Variants in MARK4 observed in about 807,000 individuals in gnomAD.
MARK4 encodes microtubule affinity regulating kinase 4.
Under a neutral mutation model 81.5 loss-of-function variants are expected in MARK4, and 19 were observed. That is an observed-to-expected ratio of 0.23 (90% CI 0.16 to 0.34). The LOEUF is 0.34. MARK4 is among the 10% of genes least tolerant of loss of function. The probability of loss-of-function intolerance (pLI) is 1.00; values close to 1 mark genes in which losing one functional copy is unlikely to be tolerated. For missense variants in MARK4, 772 were observed against 1,058.8 expected (o/e 0.73, Z 3.76); for synonymous variants, 436 against 439.0 (o/e 0.99, Z 0.08).
Position 45,302,525 on chromosome 19 carries a change from C to T in MARK4, c.2074C>T (p.Gln692Ter). The T allele has an allele frequency of 6.2e-7, 1 of 1,601,446 alleles. No individual in the cohort carries two copies. Among genetic ancestry groups the T allele is most frequent in the Non-Finnish European group, 8.5e-7 (1 of 1,178,670 alleles). Residue 692 changes from glutamine (Q) to a stop codon, truncating the protein, a stop_gained, in exon 17 of 17, where the codon CAG becomes TAG. Coordinates refer to ENST00000262891, the MANE Select transcript of MARK4 (RefSeq NM_001199867.2). LOFTEE classifies it high-confidence loss of function. This position sits in a 1 kb window ranked among gnomAD's most constrained non-coding sequence, Gnocchi z 4.9. Reference protein sequence around the residue: ...AAARCRCRQPQPFLLACLHGG... With the variant: ...AAARCRCRQP Reference sequence around the variant, plus strand: ...CGCCCGCTGCCGCTGCCGCCAGCCACAGCCGTTCCTGCTGGCCTGCCTGCA... The same window carrying T: ...CGCCCGCTGCCGCTGCCGCCAGCCATAGCCGTTCCTGCTGGCCTGCCTGCA...
intron 8 of MARK4, 34 bp from the exon 9 acceptor site, chr19:45,277,889 C>CAG (rs1970621892): frequency 2.5e-6 from 4 of 1,591,262 alleles, no homozygotes; most frequent in Non-Finnish European, 3.4e-6. Flanking sequence ...GGGGGCGGGG[C>CAG]AGACCCCCTC....
At chr19:45,262,353 CG>C (rs959060124) in intron 2 of MARK4, among the ~76,000 whole-genome samples, 13 of 9,898 alleles carry the variant, frequency 1.3e-3, no homozygotes, top group Admixed American at 9.4e-3. Flanking sequence ...GAAAAGGGGG[CG>C]GGGGGGTGGG....
chr19:45,296,326 A>G (rs1374021133), intron 14 of MARK4, among the ~76,000 whole-genome samples: 2 of 152,260 alleles, frequency 1.3e-5, no homozygotes, highest in African/African-American at 4.8e-5. Flanking sequence ...TAATTTAAAT[A>G]AAAAGGACGT....
Position 45,271,794 on chromosome 19 carries a change from T to C in MARK4, c.786+86T>C. 7.7e-7 allele frequency: 1 copy of C among 1,293,558 alleles called. No homozygotes were observed. The highest frequency in any genetic ancestry group is 1.4e-5 in the South Asian group (1 of 73,058). The allele number at this position is 1,293,558 out of a possible 1,614,324, so 80.1% of individuals were successfully genotyped here. A position where few individuals can be genotyped will look rare whatever the true frequency, so the allele number is the denominator to read the frequency against. On this transcript the variant is annotated intron_variant, in intron 8 of 16. Transcript: ENST00000262891. This position sits in a 1 kb window ranked among gnomAD's most constrained non-coding sequence, Gnocchi z 4.1. ...CCCCACACCTCCCCTGCAGAGGGCCTCAGTGGTGGGACTGGCCTGAGTTCT... is the reference window on the plus strand; with the variant it reads ...CCCCACACCTCCCCTGCAGAGGGCCCCAGTGGTGGGACTGGCCTGAGTTCT...
At chr19:45,251,984 C>G (rs930657245) in intron 1 of MARK4, among the ~76,000 whole-genome samples, 7 of 151,138 alleles carry the variant, frequency 4.6e-5, no homozygotes, top group African/African-American at 1.5e-4. Flanking sequence ...CGTCCGCGTC[C>G]GACACCTCGC....
chr19:45,286,345 C>T (rs1254962077), intron 12 of MARK4, among the ~76,000 whole-genome samples: 3 of 151,320 alleles, frequency 2.0e-5, no homozygotes, highest in East Asian at 2.0e-4. Context: ...TGAGCCACCG[C>T]GCCTGGCCCT....
chr19:45,260,462 C>T (rs1315339034), intron 2 of MARK4, among the ~76,000 whole-genome samples: 2 of 151,138 alleles, frequency 1.3e-5, no homozygotes, highest in Non-Finnish European at 2.9e-5. Flanking sequence ...GAGGCCGAGG[C>T]AGGTGGATCA....
At position 45,296,023 on chromosome 19, in the gene MARK4, C is replaced by G. The variant is rs539496445; in HGVS notation, c.1598+1571C>G. Among the ~76,000 whole-genome samples the G allele has an allele frequency of 1.4e-4, 21 of 152,172 alleles. No individual in the cohort carries two copies. The South Asian group carries it at 4.1e-3, about 30-fold the overall frequency. ...CCCTAACAACTCTGTGAGGTAGATC[C>G]TAATATCTCCATTTTACAGCTGAGG... On this transcript the variant is annotated intron_variant, in intron 14 of 16. Transcript: ENST00000262891.
intron 12 of MARK4, among the ~76,000 whole-genome samples, chr19:45,284,325 CTTT>C (rs766141024): frequency 7.1e-6 from 1 of 140,456 alleles, no homozygotes; most frequent in Admixed American, 7.1e-5. Flanking sequence ...GATTTCTTTT[CTTT>C]TTTTTTTTTT....
At position 45,288,063 on chromosome 19, in the gene MARK4, C is replaced by T. The variant is rs1436208683; in HGVS notation, c.1494+399C>T. Reference sequence around the variant, plus strand: ...AGAAGCATAGCAGACGCCATCTCAACTAAAAATCAAAAAAATTAGCCAGGC... The same window carrying T: ...AGAAGCATAGCAGACGCCATCTCAATTAAAAATCAAAAAAATTAGCCAGGC... On this transcript the variant is annotated intron_variant, in intron 13 of 16. Transcript: ENST00000262891. 2.2e-5 allele frequency: 5 copies of T among 223,672 alleles called. No homozygotes were observed. The Admixed American group carries it at 2.7e-4, about 12-fold the overall frequency. The allele number at this position is 223,672 out of a possible 1,614,324, so 13.9% of individuals were successfully genotyped here. A position where few individuals can be genotyped will look rare whatever the true frequency, so the allele number is the denominator to read the frequency against.
rs180708356 is a variant in MARK4, at chr19:45,264,998, C to T, written c.492+88C>T. On this transcript the variant is annotated intron_variant, in intron 6 of 16. Transcript: ENST00000262891. ...GCTGGGCATGGTCTGGGCTGTCCAG[C>T]GACCTGGGGGCGGGGCTTAAGTCTG... 630 of 1,335,678 alleles carry T rather than the reference C, an allele frequency of 4.7e-4. No homozygotes were observed. In the African/African-American group the frequency reaches 7.5e-3, roughly 16 times the overall value. 82.7% of individuals were successfully genotyped at this position (1,335,678 alleles called of 1,614,324 possible).
At chr19:45,255,621 G>A (rs1256009864) in intron 1 of MARK4, among the ~76,000 whole-genome samples, 4 of 151,800 alleles carry the variant, frequency 2.6e-5, no homozygotes, top group East Asian at 1.9e-4. Context: ...TCGTGGGTCC[G>A]GGTCTCACTT....
At chr19:45,293,835 G>C (rs764319180) in intron 13 of MARK4, among the ~76,000 whole-genome samples, 2 of 152,188 alleles carry the variant, frequency 1.3e-5, no homozygotes, top group Non-Finnish European at 2.9e-5. Context: ...GGAACCCAAA[G>C]GAGGAGGCAC....
In MARK4 at chr19:45,264,913, T is replaced by G. The variant is rs1013015449; in HGVS notation, c.492+3T>G. On this transcript the variant is annotated splice_donor_region_variant and intron_variant, in intron 6 of 16. Coordinates refer to ENST00000262891, the MANE Select transcript of MARK4 (RefSeq NM_001199867.2). The stretch of plus-strand genomic sequence containing the variant: ...AAGCTCGAGCCAAGTTCCGACAGGT[T>G]GGGGCAGGGCTGAGGGTGGGGCTGA... 1 of 1,613,932 alleles carries G rather than the reference T, an allele frequency of 6.2e-7. No individual in the cohort carries two copies.
rs1351779387 is a variant in MARK4, at chr19:45,303,157, C to T, written c.*447C>T. The T allele has an allele frequency of 5.2e-6, 1 of 193,746 alleles. No individual in the cohort carries two copies. The highest frequency in any genetic ancestry group is 2.4e-5 in the African/African-American group (1 of 41,784). The allele number at this position is 193,746 out of a possible 1,614,324, so 12.0% of individuals were successfully genotyped here. A position where few individuals can be genotyped will look rare whatever the true frequency, so the allele number is the denominator to read the frequency against. Reference sequence around the variant, plus strand: ...CAGATTCCTTCCCCTCCCGTCCCCTCACGCTCAAACCCCCACTTCCTGCCC... The same window carrying T: ...CAGATTCCTTCCCCTCCCGTCCCCTTACGCTCAAACCCCCACTTCCTGCCC... On this transcript the variant is annotated 3_prime_UTR_variant, in exon 17 of 17. Transcript: ENST00000262891.
chr19:45,293,850 C>T (rs1970850263), intron 13 of MARK4, among the ~76,000 whole-genome samples: 1 of 152,178 alleles, frequency 6.6e-6, no homozygotes, highest in African/African-American at 2.4e-5. Flanking sequence ...AGGCACGTGA[C>T]TCAGCCTGGG....
chr19:45,277,884 C>T (rs768083901), intron 8 of MARK4, 39 bp from the exon 9 acceptor site: 42 of 1,563,558 alleles, frequency 2.7e-5, no homozygotes, highest in East Asian at 1.1e-4. Context: ...AGGTGGGGGG[C>T]GGGGCAGACC....
chr19:45,257,658 C>G lies in MARK4; in HGVS notation c.52-1331C>G, dbSNP rs1413976656. On this transcript the variant is annotated intron_variant, in intron 1 of 16. Transcript: ENST00000262891. Reference sequence around the variant, plus strand: ...TTGGCCTCCCAAAGTGCTGGGATTACAGGCGTGAGCCACCTCGCCTGGCCC... The same window carrying G: ...TTGGCCTCCCAAAGTGCTGGGATTAGAGGCGTGAGCCACCTCGCCTGGCCC... Among the ~76,000 whole-genome samples, 109 of 150,230 alleles carry G rather than the reference C, an allele frequency of 7.3e-4. 1 individual carries two copies. Among genetic ancestry groups the G allele is most frequent in the Non-Finnish European group, 1.0e-3 (70 of 67,700 alleles).
At chr19:45,293,595 C>T (rs747694647) in intron 13 of MARK4, among the ~76,000 whole-genome samples, 1 of 152,212 alleles carries the variant, frequency 6.6e-6, no homozygotes, top group African/African-American at 2.4e-5. Context: ...GGATGACTCC[C>T]ACCAGTGGAA....
Sources: allele counts gnomAD v4.1 joint callset (sites outside exome capture counted in the v4.1 genomes callset), GRCh38; gene constraint gnomAD v4.1.1; non-coding constraint Gnocchi (gnomAD v3.1); transcripts MANE v1.5; gene names NCBI Gene and HGNC (gene_info 2026-07-23, HGNC 2026-07-21).